ATP13A4: variants seen among roughly 807,000 people sequenced by gnomAD.
ATP13A4 encodes probable cation-transporting ATPase 13A4.
A neutral mutation model predicts 142.5 loss-of-function variants in ATP13A4; 114 were observed. The ratio of observed to expected loss-of-function variants is 0.80; its 90% confidence interval spans 0.69 to 0.93. The LOEUF (loss-of-function observed/expected upper bound fraction) is 0.93. ATP13A4 is among the 40% of genes least tolerant of loss of function. ATP13A4 has a pLI of 0.00. For synonymous variants in ATP13A4, 488 were observed against 514.8 expected (o/e 0.95, Z 0.70); for missense variants, 1,392 against 1,454.0 (o/e 0.96, Z 0.69).
chr3:193,454,357 A>G (rs1191913303), intron 16 of ATP13A4, 145 bp from the exon 17 acceptor site: 20 of 698,032 alleles, frequency 2.9e-5, no homozygotes, highest in Non-Finnish European at 5.2e-5. Flanking sequence ...AATTCTAAAC[A>G]TAACTACATT....
chr3:193,576,019 A>C (rs916540204), intron 2 of ATP13A4, among the ~76,000 whole-genome samples: 2 of 152,178 alleles, frequency 1.3e-5, no homozygotes, highest in African/African-American at 2.4e-5. Context: ...AAGTGGGCAG[A>C]AGCCAGGGAT....
chr3:193,541,284 T>A lies in ATP13A4; in HGVS notation c.60+13456A>T, dbSNP rs918104321. Among the ~76,000 whole-genome samples the A allele has an allele frequency of 1.4e-4, 20 of 142,462 alleles. 1 individual carries two copies. The highest frequency in any genetic ancestry group is 3.1e-4 in the Non-Finnish European group (20 of 64,712). 93.5% of individuals were successfully genotyped at this position (142,462 alleles called of 152,430 possible). ...AAAAAAAAAAAATCAGAACAATAAA[T>A]AGTGTTTTTTGAAAAGCCTTTTTCT... is the stretch of plus-strand genomic sequence containing the variant. On this transcript the variant is annotated intron_variant, in intron 1 of 29. Transcript: ENST00000342695.
chr3:193,431,741 C>A (rs1317047581), intron 25 of ATP13A4, among the ~76,000 whole-genome samples: 5 of 150,328 alleles, frequency 3.3e-5, no homozygotes, highest in African/African-American at 1.2e-4. Flanking sequence ...TTTATATATA[C>A]ACACATATAT....
chr3:193,455,023 A>G (rs1717506730), intron 16 of ATP13A4, among the ~76,000 whole-genome samples: 1 of 152,150 alleles, frequency 6.6e-6, no homozygotes, highest in African/African-American at 2.4e-5. Context: ...ACAAAAAGAA[A>G]AAAACAAACA....
At chr3:193,449,013 A>G (rs1024616750) in intron 17 of ATP13A4, among the ~76,000 whole-genome samples, 2 of 152,216 alleles carry the variant, frequency 1.3e-5, no homozygotes, top group African/African-American at 2.4e-5. Flanking sequence ...ATAAAATGCC[A>G]GTTTCTCCAG....
In ATP13A4 at chr3:193,554,860, C is replaced by T; in HGVS notation, c.-61G>A. 3 of 1,613,318 alleles carry T rather than the reference C, an allele frequency of 1.9e-6. No individual in the cohort carries two copies. The highest frequency in any genetic ancestry group is 2.2e-5 in the South Asian group (2 of 91,032). ...CGTGCAGACGCTTCCAGGATGAACTCCAACTCGCCGAGCCACCGCAGCTCC... is the reference window on the plus strand; with the variant it reads ...CGTGCAGACGCTTCCAGGATGAACTTCAACTCGCCGAGCCACCGCAGCTCC... On this transcript the variant is annotated 5_prime_UTR_variant, in exon 1 of 30. Coordinates refer to ENST00000342695, the MANE Select transcript of ATP13A4 (RefSeq NM_032279.4).
rs908019787 is a variant in ATP13A4, at chr3:193,425,337, T to C, written c.2842+8508A>G. Among the ~76,000 whole-genome samples the C allele has an allele frequency of 2.6e-5, 4 of 151,944 alleles. 1 individual carries two copies. On this transcript the variant is annotated intron_variant, in intron 25 of 29. Coordinates refer to ENST00000342695, the MANE Select transcript of ATP13A4 (RefSeq NM_032279.4). ...AAAAATTAAAAATGGAACTACCATATGATCTAGCAATCCCACTACTGGGTA... is the reference window on the plus strand; with the variant it reads ...AAAAATTAAAAATGGAACTACCATACGATCTAGCAATCCCACTACTGGGTA...
rs1034644341 is a variant in ATP13A4, at chr3:193,504,020, T to TGTGTGTGTGTGTGTGA, written c.235-1382_235-1381insTCACACACACACACAC. ...ATGTGTGTGTGTGTGTGTGTGTGTG[T>TGTGTGTGTGTGTGTGA]GAGAGAGAGAGAGAGAGAGAGAAAG... On this transcript the variant is annotated intron_variant, in intron 2 of 29. Transcript: ENST00000342695. Among the ~76,000 whole-genome samples, 649 of 144,282 alleles carry TGTGTGTGTGTGTGTGA rather than the reference T, an allele frequency of 4.5e-3. 6 individuals carry two copies. Among genetic ancestry groups the TGTGTGTGTGTGTGTGA allele is most frequent in the African/African-American group, 8.2e-3 (318 of 38,646 alleles). 94.7% of individuals were successfully genotyped at this position (144,282 alleles called of 152,430 possible).
chr3:193,431,614 TG>T (rs1406633442), intron 25 of ATP13A4, among the ~76,000 whole-genome samples: 2 of 151,758 alleles, frequency 1.3e-5, no homozygotes, highest in Non-Finnish European at 2.9e-5. Context: ...TGTGTGTGTG[TG>T]TGTGTGTGTG....
At position 193,399,397 on chromosome 3, in the gene ATP13A4, C is replaced by T. The variant is rs773707516; in HGVS notation, c.*3255G>A. Among the ~76,000 whole-genome samples, 1 of 152,184 alleles carries T rather than the reference C, an allele frequency of 6.6e-6. No individual in the cohort carries two copies. The highest frequency in any genetic ancestry group is 1.5e-5 in the Non-Finnish European group (1 of 68,040). On this transcript the variant is annotated 3_prime_UTR_variant, in exon 30 of 30. Coordinates refer to ENST00000342695, the MANE Select transcript of ATP13A4 (RefSeq NM_032279.4). The stretch of plus-strand genomic sequence containing the variant: ...TCTGACAATCAGGACCCCTACTCTG[C>T]CCCTCTTTCCTAGGATCTTATCTCC...
chr3:193,452,095 G>A (rs544731796), intron 17 of ATP13A4, among the ~76,000 whole-genome samples: 13 of 152,052 alleles, frequency 8.5e-5, no homozygotes, highest in Non-Finnish European at 1.6e-4. Context: ...GCTTTGTTAC[G>A]TGCATGCATT....
chr3:193,578,276 G>C (rs1447533534), intron 2 of ATP13A4, among the ~76,000 whole-genome samples: 1 of 150,224 alleles, frequency 6.7e-6, no homozygotes, highest in Non-Finnish European at 1.5e-5. Flanking sequence ...CTGTGCAACA[G>C]AGTGAGACTC....
intron 25 of ATP13A4, among the ~76,000 whole-genome samples, chr3:193,427,699 C>T (rs1447962963): frequency 6.6e-6 from 1 of 152,154 alleles, no homozygotes; most frequent in East Asian, 1.9e-4. Flanking sequence ...AAATGATTCC[C>T]TATTTAATAA....
intron 2 of ATP13A4, among the ~76,000 whole-genome samples, chr3:193,578,047 C>T (rs935980637): frequency 6.6e-6 from 1 of 152,126 alleles, no homozygotes; most frequent in African/African-American, 2.4e-5. Flanking sequence ...ATAATCCCAG[C>T]ACTTGGGAGG....
rs75712864 is a variant in ATP13A4 at position 193,481,794 on chromosome 3, A to G, written c.808+2142T>C. Among the ~76,000 whole-genome samples, 268 of 152,304 alleles carry G rather than the reference A, an allele frequency of 1.8e-3. 1 individual carries two copies. Among genetic ancestry groups the G allele is most frequent in the Non-Finnish European group, 2.6e-3 (175 of 68,016 alleles). ...GCATCTTTGAATCTTATTTGTGACC[A>G]TTGTTTATGTTATTGTACATTTCAT... is the stretch of plus-strand genomic sequence containing the variant. On this transcript the variant is annotated intron_variant, in intron 8 of 29. Transcript: ENST00000342695.
intron 1 of ATP13A4, among the ~76,000 whole-genome samples, chr3:193,528,495 A>G (rs370124696): frequency 1.3e-5 from 2 of 152,216 alleles, no homozygotes; most frequent in Admixed American, 6.5e-5. Context: ...TGACATTAGA[A>G]TATGTAAAGG....
chr3:193,455,197 C>G (rs1353020090), intron 16 of ATP13A4, among the ~76,000 whole-genome samples: 1 of 151,818 alleles, frequency 6.6e-6, no homozygotes, highest in Admixed American at 6.6e-5. Context: ...AAAAATTAGC[C>G]GGGCGAGGTG....
At chr3:193,442,586 A>AG in intron 18 of ATP13A4, 30 bp from the exon 19 acceptor site, 1 of 1,599,890 alleles carries the variant, frequency 6.3e-7, no homozygotes, top group Non-Finnish European at 8.6e-7. Context: ...TCTCAAGATG[A>AG]GGTTGACAAG....
chr3:193,410,925 A>G, intron 28 of ATP13A4, 57 bp downstream of exon 28: 1 of 1,143,876 alleles, frequency 8.7e-7, no homozygotes, highest in South Asian at 1.3e-5. Flanking sequence ...TCTGCTTTTT[A>G]AAGTTAAACT....
Sources: gnomAD v4.1 joint callset for allele counts (sites outside exome capture counted in the v4.1 genomes callset) on GRCh38, gnomAD v4.1.1 for gene constraint, MANE v1.5 for transcripts, NCBI Gene and HGNC (gene_info 2026-07-23, HGNC 2026-07-21) for gene names.